CACHD1: variants seen among roughly 807,000 people sequenced by gnomAD.
CACHD1 encodes cache domain containing 1, also known as VWFA and cache domain-containing protein 1.
CACHD1 carries 71 observed loss-of-function variants against 138.7 expected under a neutral mutation model. The observed-to-expected ratio is 0.51, with a 90% CI of 0.42 to 0.62. The LOEUF is 0.62. Ranked by LOEUF, CACHD1 falls within the 20% of genes least tolerant of loss-of-function variation. The probability of loss-of-function intolerance (pLI) is 0.00; values close to 1 mark genes in which losing one functional copy is unlikely to be tolerated. For synonymous variants in CACHD1, 578 were observed against 591.5 expected (o/e 0.98, Z 0.33); for missense variants, 1,389 against 1,625.3 (o/e 0.85, Z 2.50).
At chr1:64,562,950 G>A (rs1286179966) in intron 2 of CACHD1, among the ~76,000 whole-genome samples, 1 of 152,052 alleles carries the variant, frequency 6.6e-6, no homozygotes, top group East Asian at 1.9e-4. Flanking sequence ...GTTGTATCCT[G>A]GTATTGTGGA....
chr1:64,497,644 T>G (rs1288278246), intron 1 of CACHD1, among the ~76,000 whole-genome samples: 1 of 152,172 alleles, frequency 6.6e-6, no homozygotes, highest in Non-Finnish European at 1.5e-5. Context: ...AGTCAGCCTC[T>G]GGCGGGAATA....
At chr1:64,500,872 A>T (rs969451785) in intron 1 of CACHD1, among the ~76,000 whole-genome samples, 2 of 151,214 alleles carry the variant, frequency 1.3e-5, no homozygotes, top group Admixed American at 6.6e-5. Context: ...ACATGGTGAA[A>T]CCCCGTCTCT....
chr1:64,681,884 T>G, intron 25 of CACHD1, 121 bp from the exon 26 acceptor site: 1 of 823,932 alleles, frequency 1.2e-6, no homozygotes, highest in South Asian at 1.6e-5. Context: ...AAAAATGATT[T>G]ATTCTGGCTT....
At chr1:64,519,056 A>G (rs1344223826) in intron 1 of CACHD1, among the ~76,000 whole-genome samples, 1 of 152,168 alleles carries the variant, frequency 6.6e-6, no homozygotes, top group Non-Finnish European at 1.5e-5. Context: ...TTTTAGAGAT[A>G]GGTACCATTT....
At chr1:64,510,408 G>A (rs1363498894) in intron 1 of CACHD1, among the ~76,000 whole-genome samples, 1 of 152,130 alleles carries the variant, frequency 6.6e-6, no homozygotes, top group Non-Finnish European at 1.5e-5. Flanking sequence ...ATTAAGGACT[G>A]TTACCTGGGA....
chr1:64,564,565 C>G (rs1646866395), intron 2 of CACHD1, among the ~76,000 whole-genome samples: 1 of 152,130 alleles, frequency 6.6e-6, no homozygotes, highest in Non-Finnish European at 1.5e-5. Context: ...GTAACCCAGC[C>G]AAGGAACCTG....
chr1:64,503,053 CT>C (rs891990190), intron 1 of CACHD1, among the ~76,000 whole-genome samples: 1 of 151,990 alleles, frequency 6.6e-6, no homozygotes, highest in South Asian at 2.1e-4. Context: ...TAGAGCCGAA[CT>C]TTTTTTTGTG....
intron 1 of CACHD1, among the ~76,000 whole-genome samples, chr1:64,494,534 A>T (rs1360583132): frequency 6.6e-6 from 1 of 152,162 alleles, no homozygotes; most frequent in East Asian, 1.9e-4. Context: ...AAGAATTTAC[A>T]TTTCTCTTTC....
chr1:64,495,135 C>T (rs938508887), intron 1 of CACHD1, among the ~76,000 whole-genome samples: 5 of 152,054 alleles, frequency 3.3e-5, no homozygotes, highest in African/African-American at 4.8e-5. Flanking sequence ...TTAGATCATT[C>T]CTCTGTTCCA....
rs113933256 is a variant in CACHD1 at position 64,544,059 on chromosome 1, G to A, written c.199-6535G>A. Among the ~76,000 whole-genome samples, 44 of 151,924 alleles carry A rather than the reference G, an allele frequency of 2.9e-4. 1 individual carries two copies. Among genetic ancestry groups the A allele is most frequent in the African/African-American group, 9.6e-4 (40 of 41,452 alleles). On this transcript the variant is annotated intron_variant, in intron 1 of 26. Transcript: ENST00000651257. ...GGGTTAGTGTTGGTCAGCCTCTTGC[G>A]ATAACAGTGGTGATCTATACTTTCC...
chr1:64,601,487 C>T (rs1232766487), intron 3 of CACHD1, among the ~76,000 whole-genome samples: 2 of 152,198 alleles, frequency 1.3e-5, no homozygotes, highest in Non-Finnish European at 2.9e-5. Flanking sequence ...TTGACATTGT[C>T]GGTGTAACTC....
intron 2 of CACHD1, among the ~76,000 whole-genome samples, chr1:64,563,320 G>GA (rs1235666476): frequency 1.3e-5 from 2 of 152,106 alleles, no homozygotes; most frequent in Non-Finnish European, 2.9e-5. Flanking sequence ...GGTTTTATAA[G>GA]AAAATGATAC....
intron 2 of CACHD1, among the ~76,000 whole-genome samples, chr1:64,556,992 G>A (rs925689506): frequency 1.1e-4 from 16 of 152,176 alleles, no homozygotes; most frequent in African/African-American, 2.2e-4. Flanking sequence ...GGTGGCGGGC[G>A]CCTGTAGTCC....
intron 4 of CACHD1, among the ~76,000 whole-genome samples, chr1:64,612,795 C>T (rs572910827): frequency 2.0e-5 from 3 of 152,276 alleles, no homozygotes; most frequent in African/African-American, 7.2e-5. Flanking sequence ...TGTTTTCATG[C>T]CTGCTAGTAC....
chr1:64,499,920 T>C (rs1383186621), intron 1 of CACHD1, among the ~76,000 whole-genome samples: 1 of 152,232 alleles, frequency 6.6e-6, no homozygotes, highest in African/African-American at 2.4e-5. Flanking sequence ...TTCACTGCCC[T>C]GTCCCTGAGC....
rs150131498 is a variant in CACHD1 at position 64,690,966 on chromosome 1, G to T, written c.3587-357G>T. 5.9e-3 allele frequency among the ~76,000 whole-genome samples: 901 copies of T among 152,242 alleles called. 3 individuals are homozygous for T. Among genetic ancestry groups the T allele is most frequent in the Non-Finnish European group, 9.7e-3 (663 of 68,014 alleles). ...CATAGGTAAAAGTGTAGAAAGATAG[G>T]TCCCCAGTGGTGGCTCGCCATGGAT... is the stretch of plus-strand genomic sequence containing the variant. On this transcript the variant is annotated intron_variant, in intron 26 of 26. Coordinates refer to ENST00000651257, the MANE Select transcript of CACHD1 (RefSeq NM_020925.4).
At chr1:64,690,849 G>A (rs1035443092) in intron 26 of CACHD1, among the ~76,000 whole-genome samples, 2 of 152,190 alleles carry the variant, frequency 1.3e-5, no homozygotes, top group African/African-American at 2.4e-5. Context: ...CCAGATTTCC[G>A]CACCAGCCCC....
At chr1:64,598,225 A>G (rs1035318858) in intron 3 of CACHD1, among the ~76,000 whole-genome samples, 1 of 152,140 alleles carries the variant, frequency 6.6e-6, no homozygotes, top group African/African-American at 2.4e-5. Context: ...CCAGCCCTGT[A>G]TATCTTAAGC....
At chr1:64,683,083 A>G (rs1474483589) in intron 26 of CACHD1, among the ~76,000 whole-genome samples, 1 of 152,160 alleles carries the variant, frequency 6.6e-6, no homozygotes, top group African/African-American at 2.4e-5. Flanking sequence ...TAAAAAATGC[A>G]AAAATAGATA....
Sources: gnomAD v4.1 joint callset for allele counts (sites outside exome capture counted in the v4.1 genomes callset) on GRCh38, gnomAD v4.1.1 for gene constraint, MANE v1.5 for transcripts, NCBI Gene and HGNC (gene_info 2026-07-23, HGNC 2026-07-21) for gene names.